The following MAD1L1 variants were observed in gnomAD, a reference collection of about 807,000 sequenced individuals.
MAD1L1 encodes the protein mitotic spindle assembly checkpoint protein MAD1.
Under a neutral mutation model 96.9 loss-of-function variants are expected in MAD1L1, and 95 were observed. The observed-to-expected ratio is 0.98, with a 90% CI of 0.83 to 1.16. The LOEUF is 1.16. Ranked by LOEUF, MAD1L1 falls within the 50% of genes most tolerant of loss-of-function variation. MAD1L1 has a pLI of 0.00. For synonymous variants in MAD1L1, 473 were observed against 396.6 expected (o/e 1.19, Z -2.29); for missense variants, 1,007 against 954.4 (o/e 1.06, Z -0.73).
intron 11 of MAD1L1, among the ~76,000 whole-genome samples, chr7:2,106,482 C>G (rs1787107586): frequency 6.6e-6 from 1 of 152,172 alleles, no homozygotes; most frequent in Non-Finnish European, 1.5e-5. Context: ...GCCAAGCCAG[C>G]AGGCTCTCCG....
At chr7:2,154,394 G>A (rs544736290) in intron 10 of MAD1L1, among the ~76,000 whole-genome samples, 3 of 152,342 alleles carry the variant, frequency 2.0e-5, no homozygotes, top group African/African-American at 7.2e-5. Context: ...CATACAGTTA[G>A]ATGAAAGGTA....
chr7:2,111,420 G>A (rs560781712), intron 11 of MAD1L1, among the ~76,000 whole-genome samples: 9 of 152,204 alleles, frequency 5.9e-5, no homozygotes, highest in Admixed American at 2.0e-4. Flanking sequence ...AGCGTGCCTC[G>A]GAATGAATGA....
chr7:1,876,245 T>A (rs1482062759), intron 18 of MAD1L1, among the ~76,000 whole-genome samples: 1 of 152,068 alleles, frequency 6.6e-6, no homozygotes, highest in Non-Finnish European at 1.5e-5. Flanking sequence ...CCACAACCAT[T>A]GGTCATGTTA....
chr7:1,938,764 ACACACG>A (rs1778754573), intron 16 of MAD1L1, among the ~76,000 whole-genome samples: 1 of 144,752 alleles, frequency 6.9e-6, no homozygotes, highest in Non-Finnish European at 1.5e-5. Context: ...ACACACACAC[ACACACG>A]CACGCACACA....
At chr7:1,978,306 G>A (rs1780738798) in intron 15 of MAD1L1, among the ~76,000 whole-genome samples, 1 of 152,206 alleles carries the variant, frequency 6.6e-6, no homozygotes, top group South Asian at 2.1e-4. Context: ...TGCTCTGTGT[G>A]GCAAGGGTCT....
At chr7:2,096,462 C>T (rs77231637) in intron 11 of MAD1L1, among the ~76,000 whole-genome samples, 2 of 152,152 alleles carry the variant, frequency 1.3e-5, no homozygotes, top group Non-Finnish European at 2.9e-5. Context: ...TCTCCTCCTA[C>T]GCTGCTTTTC....
At chr7:2,198,026 C>T (rs35865023) in intron 10 of MAD1L1, among the ~76,000 whole-genome samples, 20,734 of 152,030 alleles carry the variant, frequency 0.14, 1,662 homozygotes, top group Middle Eastern at 0.27. Context: ...GGGGCAACCA[C>T]ACCCAGTTCT....
At position 1,927,301 on chromosome 7, in the gene MAD1L1, G is replaced by C. The variant is rs371511218; in HGVS notation, c.1807+9386C>G. Among the ~76,000 whole-genome samples, 13 of 152,324 alleles carry C rather than the reference G, an allele frequency of 8.5e-5. 1 individual carries two copies. The highest frequency in any genetic ancestry group is 3.1e-4 in the African/African-American group (13 of 41,558). On this transcript the variant is annotated intron_variant, in intron 17 of 18. Transcript: ENST00000265854. Reference sequence around the variant, plus strand: ...GAAGACTCACTGCAACCAAGATGTAGATGCTCCCCAGACTGACTGACAGAT... The same window carrying C: ...GAAGACTCACTGCAACCAAGATGTACATGCTCCCCAGACTGACTGACAGAT...
At chr7:2,138,702 C>T (rs758408242) in intron 11 of MAD1L1, among the ~76,000 whole-genome samples, 1 of 152,160 alleles carries the variant, frequency 6.6e-6, no homozygotes, top group Admixed American at 6.5e-5. Flanking sequence ...GCCAGCACTC[C>T]GCTGCCTTCC....
At chr7:1,857,883 G>A (rs533162243) in intron 18 of MAD1L1, among the ~76,000 whole-genome samples, 94 of 152,304 alleles carry the variant, frequency 6.2e-4, no homozygotes, top group African/African-American at 2.1e-3. Flanking sequence ...CAGGCTGGGG[G>A]CCCAGGGAGG....
At chr7:1,863,507 G>A (rs1490934573) in intron 18 of MAD1L1, among the ~76,000 whole-genome samples, 2 of 152,236 alleles carry the variant, frequency 1.3e-5, no homozygotes, top group African/African-American at 4.8e-5. Context: ...CGCACAGCAC[G>A]GCCTGGCTGA....
intron 18 of MAD1L1, among the ~76,000 whole-genome samples, chr7:1,836,791 C>T (rs1782956786): frequency 6.6e-6 from 1 of 151,940 alleles, no homozygotes; most frequent in South Asian, 2.1e-4. Flanking sequence ...TCAATCCAGA[C>T]CTTGCACCAT....
At chr7:2,069,062 C>T in intron 12 of MAD1L1, 132 bp downstream of exon 12, 1 of 1,235,500 alleles carries the variant, frequency 8.1e-7, no homozygotes, top group Non-Finnish European at 1.1e-6. Flanking sequence ...ACCCTCCTGG[C>T]AACCCAGGGC....
intron 16 of MAD1L1, among the ~76,000 whole-genome samples, chr7:1,956,092 C>T (rs369003236): frequency 1.3e-5 from 2 of 152,070 alleles, no homozygotes; most frequent in Admixed American, 6.5e-5. Flanking sequence ...TGACCTAAGC[C>T]GGTTCAAGGC....
intron 10 of MAD1L1, among the ~76,000 whole-genome samples, chr7:2,170,953 T>A (rs916475328): frequency 1.3e-5 from 2 of 152,176 alleles, no homozygotes; most frequent in Non-Finnish European, 2.9e-5. Context: ...CATGGGGGGT[T>A]GGCGGTTATA....
chr7:2,032,108 T>G (rs1783253091), intron 12 of MAD1L1, among the ~76,000 whole-genome samples: 1 of 152,170 alleles, frequency 6.6e-6, no homozygotes, highest in Non-Finnish European at 1.5e-5. Context: ...GCCAAGGAGT[T>G]TCCATGCATC....
At chr7:1,930,975 T>C (rs1408700904) in intron 17 of MAD1L1, among the ~76,000 whole-genome samples, 1 of 152,198 alleles carries the variant, frequency 6.6e-6, no homozygotes, top group African/African-American at 2.4e-5. Flanking sequence ...GCAGGGACTG[T>C]GCAGGCAGCC....
At chr7:1,829,393 T>G (rs890102375) in intron 18 of MAD1L1, 1 of 152,246 alleles carries the variant, frequency 6.6e-6, no homozygotes, top group Non-Finnish European at 1.5e-5. Flanking sequence ...GGAGCTGCCA[T>G]AGGACCAAGC....
rs1043944666 is a variant in MAD1L1, at chr7:2,114,040, G to A, written c.1073+35112C>T. ...GGAGAGCCGGCAAGACCTGAACGCA[G>A]TCAGGACCCGCGCCTGCTGCACCCA... On this transcript the variant is annotated intron_variant, in intron 11 of 18. Coordinates refer to ENST00000265854, the MANE Select transcript of MAD1L1 (RefSeq NM_001013836.2). This position sits in a 1 kb window ranked among gnomAD's most constrained non-coding sequence, Gnocchi z 4.2. Among the ~76,000 whole-genome samples, 1 of 152,202 alleles carries A rather than the reference G, an allele frequency of 6.6e-6. No homozygotes were observed.
Sources: gnomAD v4.1 joint callset for allele counts (sites outside exome capture counted in the v4.1 genomes callset) on GRCh38, gnomAD v4.1.1 for gene constraint, Gnocchi (gnomAD v3.1) non-coding constraint, MANE v1.5 for transcripts, NCBI Gene and HGNC (gene_info 2026-07-23, HGNC 2026-07-21) for gene names.